Variants in SUGCT observed in about 807,000 individuals in gnomAD.
SUGCT encodes the protein succinyl-CoA:glutarate-CoA transferase.
In SUGCT, 41 loss-of-function variants were observed where a neutral mutation model predicts 55.0. The ratio of observed to expected loss-of-function variants is 0.74; its 90% CI spans 0.58 to 0.97. The LOEUF (loss-of-function observed/expected upper bound fraction) is 0.97, where lower values mean the gene tolerates loss of function less well. Among genes scored for constraint, SUGCT ranks in the 50% least tolerant of loss-of-function variants. The pLI is 0.00. For missense variants in SUGCT, 568 were observed against 547.8 expected, an observed-to-expected ratio of 1.04 and a Z score of -0.37; for synonymous variants, 187 against 200.4, an observed-to-expected ratio of 0.93 and a Z score of 0.56.
intron 6 of SUGCT, among the ~76,000 whole-genome samples, chr7:40,201,349 TTAAG>T (rs1290459568): frequency 6.6e-6 from 1 of 152,342 alleles, no homozygotes; most frequent in Non-Finnish European, 1.5e-5. Context: ...TCACACTGCA[TTAAG>T]TATCATTTTT....
intron 7 of SUGCT, among the ~76,000 whole-genome samples, chr7:40,251,263 T>G (rs1790381649): frequency 6.6e-6 from 1 of 152,230 alleles, no homozygotes; most frequent in Non-Finnish European, 1.5e-5. Flanking sequence ...GCTAATTAAC[T>G]ACTTGTACTT....
chr7:40,382,558 G>A (rs1784923970), intron 9 of SUGCT, among the ~76,000 whole-genome samples: 1 of 152,142 alleles, frequency 6.6e-6, no homozygotes. Flanking sequence ...TGTGGTCTAA[G>A]CTCTTACCTT....
chr7:40,722,955 A>G (rs1356408073), intron 12 of SUGCT, among the ~76,000 whole-genome samples: 3 of 152,202 alleles, frequency 2.0e-5, no homozygotes, highest in African/African-American at 4.8e-5. Flanking sequence ...GAATCTACCA[A>G]TAGTGCTGTG....
chr7:40,976,682 T>C, the SUGCT span, among the ~76,000 whole-genome samples: 3 of 152,168 alleles, frequency 2.0e-5, no homozygotes, highest in Non-Finnish European at 1.5e-5. Flanking sequence ...GAGTGGAGGA[T>C]GGAATATGTC....
Position 40,694,176 on chromosome 7 carries a change from AAAGGCCCC to A in SUGCT, c.1090-55254_1090-55247del, listed in dbSNP as rs201876366. On this transcript the variant is annotated intron_variant, in intron 12 of 13. Coordinates refer to ENST00000335693, the MANE Select transcript of SUGCT (RefSeq NM_001193313.2). ...GTTTTCCGTTTTGAAAGTTTCTGTC[AAAGGCCCC>A]AAGTGTGAATGAGGAAGATTGCCTT... 5.2e-3 allele frequency among the ~76,000 whole-genome samples: 785 copies of A among 152,324 alleles called. 3 individuals are homozygous for A. Among genetic ancestry groups the A allele is most frequent in the African/African-American group, 0.017 (720 of 41,572 alleles).
chr7:40,356,104 G>A (rs940743816), intron 9 of SUGCT, among the ~76,000 whole-genome samples: 2 of 152,226 alleles, frequency 1.3e-5, no homozygotes, highest in African/African-American at 2.4e-5. Context: ...TGTAGCTTGA[G>A]TTCAGAAAAT....
intron 9 of SUGCT, among the ~76,000 whole-genome samples, chr7:40,341,158 A>C (rs777193990): frequency 6.6e-6 from 1 of 152,180 alleles, no homozygotes; most frequent in Non-Finnish European, 1.5e-5. Context: ...CCTACAATCT[A>C]TTGACTGTTG....
intron 9 of SUGCT, among the ~76,000 whole-genome samples, chr7:40,381,050 A>T (rs1476664147): frequency 6.6e-6 from 1 of 152,116 alleles, no homozygotes; most frequent in Non-Finnish European, 1.5e-5. Flanking sequence ...CATATTTTTA[A>T]TATCTATTCT....
At chr7:40,166,811 C>T (rs1481733940) in intron 1 of SUGCT, among the ~76,000 whole-genome samples, 2 of 151,192 alleles carry the variant, frequency 1.3e-5, no homozygotes, top group Admixed American at 1.3e-4. Flanking sequence ...TGCTTGAACC[C>T]AGGAGGTGGA....
the SUGCT span, among the ~76,000 whole-genome samples, chr7:40,913,642 A>G: frequency 6.6e-6 from 1 of 152,180 alleles, no homozygotes; most frequent in South Asian, 2.1e-4. Flanking sequence ...CTCCCCATTC[A>G]CTATTTTGCA....
At chr7:40,401,730 TC>T (rs1786080653) in intron 9 of SUGCT, among the ~76,000 whole-genome samples, 1 of 152,288 alleles carries the variant, frequency 6.6e-6, no homozygotes, top group East Asian at 1.9e-4. Flanking sequence ...AAATACCTCT[TC>T]CTAGAAGGGA....
intron 13 of SUGCT, among the ~76,000 whole-genome samples, chr7:40,808,639 C>T (rs1300337984): frequency 6.6e-6 from 1 of 152,208 alleles, no homozygotes; most frequent in Non-Finnish European, 1.5e-5. Context: ...GAAGAACATT[C>T]CTCCAAGGGC....
chr7:40,911,334 A>G, the SUGCT span, among the ~76,000 whole-genome samples: 1 of 152,216 alleles, frequency 6.6e-6, no homozygotes, highest in Non-Finnish European at 1.5e-5. Flanking sequence ...AGTACAGTTC[A>G]AAGTCAATGA....
intron 8 of SUGCT, among the ~76,000 whole-genome samples, chr7:40,314,601 G>C (rs185868457): frequency 0.018 from 2,283 of 123,584 alleles, 53 homozygotes; most frequent in African/African-American, 0.065. Context: ...TTTCGCTCTC[G>C]TTGCCGAGGC....
chr7:40,300,344 C>G (rs1417871017), intron 8 of SUGCT, among the ~76,000 whole-genome samples: 1 of 152,094 alleles, frequency 6.6e-6, no homozygotes, highest in Non-Finnish European at 1.5e-5. Flanking sequence ...GTCCAAATTC[C>G]TTTTCGCCAG....
At chr7:40,456,917 C>T (rs908933093) in intron 10 of SUGCT, among the ~76,000 whole-genome samples, 1 of 152,078 alleles carries the variant, frequency 6.6e-6, no homozygotes, top group African/African-American at 2.4e-5. Flanking sequence ...ACCTTCCAGA[C>T]TATCTTAAGG....
chr7:40,396,778 T>G (rs1236333174), intron 9 of SUGCT, among the ~76,000 whole-genome samples: 1 of 152,204 alleles, frequency 6.6e-6, no homozygotes, highest in Non-Finnish European at 1.5e-5. Context: ...CTTATTTTGT[T>G]TATTCATCTT....
At chr7:40,565,431 G>T (rs887232225) in intron 12 of SUGCT, among the ~76,000 whole-genome samples, 2 of 152,214 alleles carry the variant, frequency 1.3e-5, no homozygotes, top group African/African-American at 4.8e-5. Context: ...ATAAGTTTCT[G>T]CTGGGGCATA....
chr7:40,865,327 T>C (rs1794560700), downstream of SUGCT, among the ~76,000 whole-genome samples: 1 of 152,176 alleles, frequency 6.6e-6, no homozygotes, highest in Admixed American at 6.5e-5. Context: ...GTGGTAATTC[T>C]CACTATGACT....
Sources: gnomAD v4.1 joint callset for allele counts (sites outside exome capture counted in the v4.1 genomes callset) on GRCh38, gnomAD v4.1.1 for gene constraint, MANE v1.5 for transcripts, NCBI Gene and HGNC (gene_info 2026-07-23, HGNC 2026-07-21) for gene names.